Variants in ACYP2 observed in about 807,000 individuals in gnomAD.
ACYP2 encodes acylphosphatase-2.
ACYP2 carries 12 observed loss-of-function variants against 11.2 expected under a neutral mutation model. That is an observed-to-expected ratio of 1.08 (90% CI 0.69 to 1.74). The LOEUF is 1.74. ACYP2 is among the 40% of genes most tolerant of loss of function. ACYP2 has a pLI of 0.00. For missense variants in ACYP2, 134 were observed against 101.9 expected (o/e 1.31, Z -1.35); for synonymous variants, 43 against 32.2 (o/e 1.33, Z -1.13).
chr2:54,004,910 A>AC (rs1573497518), intron 2 of ACYP2, among the ~76,000 whole-genome samples: 4 of 44,930 alleles, frequency 8.9e-5, no homozygotes, highest in African/African-American at 2.6e-4. Context: ...AAAAAAAAAA[A>AC]AAAAACAAAA....
intron 4 of ACYP2, among the ~76,000 whole-genome samples, chr2:54,131,639 A>G (rs551058046): frequency 2.0e-4 from 30 of 152,200 alleles, no homozygotes; most frequent in Non-Finnish European, 4.1e-4. Flanking sequence ...TGACATGCAA[A>G]TACATGAGTT....
chr2:54,026,822 C>G (rs753232037), intron 2 of ACYP2, among the ~76,000 whole-genome samples: 9 of 151,584 alleles, frequency 5.9e-5, no homozygotes, highest in Non-Finnish European at 1.2e-4. Context: ...AACCAAACAT[C>G]GTATGTTCTC....
In ACYP2 at chr2:54,138,698, AG is replaced by A; in HGVS notation, c.356del (p.Gly119AlafsTer3). ...TTGGCTGGGTGAAGAATACCAGCAA[AG>A]GCACCGTGACAGGCCAAGTGCAGGG... On this transcript the variant is annotated frameshift_variant, in exon 6 of 7. Coordinates refer to ENST00000607452, the MANE Select transcript of ACYP2 (RefSeq NM_001320586.2). LOFTEE classifies it high-confidence loss of function. 6.2e-7 allele frequency: 1 copy of A among 1,614,162 alleles called. No homozygotes were observed. Among genetic ancestry groups the A allele is most frequent in the Non-Finnish European group, 8.5e-7 (1 of 1,179,998 alleles).
chr2:54,243,224 A>G (rs1400132845), intron 6 of ACYP2, among the ~76,000 whole-genome samples: 1 of 152,174 alleles, frequency 6.6e-6, no homozygotes, highest in South Asian at 2.1e-4. Flanking sequence ...ATCATTAGGC[A>G]ATTTCTTTGT....
chr2:54,042,366 T>G (rs1369945963), intron 2 of ACYP2, among the ~76,000 whole-genome samples: 4 of 152,198 alleles, frequency 2.6e-5, no homozygotes, highest in African/African-American at 9.6e-5. Flanking sequence ...ACAAGCTTGG[T>G]GTTAAGCTAT....
At chr2:54,083,536 T>C (rs778345218) in intron 4 of ACYP2, among the ~76,000 whole-genome samples, 1 of 152,180 alleles carries the variant, frequency 6.6e-6, no homozygotes, top group Non-Finnish European at 1.5e-5. Flanking sequence ...ACAGCCATTG[T>C]TGGTGTGGTC....
chr2:54,209,986 C>G (rs1685262065), intron 6 of ACYP2, among the ~76,000 whole-genome samples: 1 of 151,784 alleles, frequency 6.6e-6, no homozygotes, highest in African/African-American at 2.4e-5. Context: ...ACTAAAAATA[C>G]AAAAATTAGC....
intron 6 of ACYP2, among the ~76,000 whole-genome samples, chr2:54,277,973 AATTT>A (rs970333017): frequency 2.0e-4 from 30 of 152,098 alleles, no homozygotes; most frequent in African/African-American, 4.3e-4. Context: ...TTAATTAATT[AATTT>A]ATTTATTTAT....
intron 6 of ACYP2, among the ~76,000 whole-genome samples, chr2:54,194,193 C>T (rs1289106991): frequency 1.3e-5 from 2 of 152,138 alleles, no homozygotes; most frequent in Admixed American, 1.3e-4. Flanking sequence ...GGGTGTGCCA[C>T]CGCACCTGGC....
In ACYP2 at chr2:54,043,746, C is replaced by CCATGGCAAATTTA. The variant is rs552597449; in HGVS notation, c.63-7209_63-7197dup. The stretch of plus-strand genomic sequence containing the variant: ...TACTTATATGTATCCAGACATCCTT[C>CCATGGCAAATTTA]CATGGCAAATTTACACATTATCTAT... On this transcript the variant is annotated intron_variant, in intron 2 of 6. Coordinates refer to ENST00000607452, the MANE Select transcript of ACYP2 (RefSeq NM_001320586.2). Among the ~76,000 whole-genome samples the CCATGGCAAATTTA allele has an allele frequency of 1.3e-3, 201 of 152,236 alleles. 1 individual carries two copies. Among genetic ancestry groups the CCATGGCAAATTTA allele is most frequent in the African/African-American group, 4.6e-3 (193 of 41,546 alleles).
chr2:54,119,172 C>T (rs1679998132), intron 4 of ACYP2, among the ~76,000 whole-genome samples: 1 of 147,316 alleles, frequency 6.8e-6, no homozygotes, highest in Admixed American at 7.0e-5. Flanking sequence ...GCCTCAGCCT[C>T]CTCTTGAGTA....
chr2:54,007,404 C>T (rs946488663), intron 2 of ACYP2, among the ~76,000 whole-genome samples: 4 of 151,858 alleles, frequency 2.6e-5, no homozygotes, highest in South Asian at 2.1e-4. Context: ...CAGGCATGTG[C>T]CACCATGCCT....
intron 6 of ACYP2, among the ~76,000 whole-genome samples, chr2:54,156,188 T>A (rs577263397): frequency 6.6e-6 from 1 of 152,304 alleles, no homozygotes; most frequent in East Asian, 1.9e-4. Context: ...GTTCAATATT[T>A]GCTTATTAAT....
intron 4 of ACYP2, among the ~76,000 whole-genome samples, chr2:54,060,728 A>G (rs1323177391): frequency 6.6e-6 from 1 of 152,218 alleles, no homozygotes; most frequent in African/African-American, 2.4e-5. Context: ...CTTTTTATGC[A>G]CAGGATGTTC....
intron 4 of ACYP2, among the ~76,000 whole-genome samples, chr2:54,095,796 C>A (rs1678520251): frequency 7.7e-6 from 1 of 129,266 alleles, no homozygotes; most frequent in South Asian, 2.7e-4. Flanking sequence ...GGTTGACCCT[C>A]CCACCTCCCT....
At chr2:54,006,738 T>C (rs1373324411) in intron 2 of ACYP2, among the ~76,000 whole-genome samples, 3 of 152,288 alleles carry the variant, frequency 2.0e-5, no homozygotes, top group Non-Finnish European at 2.9e-5. Flanking sequence ...GCTCAAACTA[T>C]CTATAGGAGA....
intron 2 of ACYP2, chr2:54,029,692 C>T (rs1674480295): frequency 9.5e-6 from 5 of 526,612 alleles, no homozygotes; most frequent in Middle Eastern, 5.6e-4. Flanking sequence ...TTAATACCCA[C>T]GTTAATTCTC....
At chr2:54,264,363 C>T (rs1451241772) in intron 6 of ACYP2, among the ~76,000 whole-genome samples, 1 of 152,150 alleles carries the variant, frequency 6.6e-6, no homozygotes, top group African/African-American at 2.4e-5. Context: ...GCTTTTATTC[C>T]TTTATTTGGC....
intron 6 of ACYP2, among the ~76,000 whole-genome samples, chr2:54,301,657 A>C (rs13400567): frequency 0.12 from 18,855 of 152,080 alleles, 1,664 homozygotes; most frequent in African/African-American, 0.25. Flanking sequence ...GTATACATAC[A>C]CACGTGTTTG....
Sources: allele counts gnomAD v4.1 joint callset (sites outside exome capture counted in the v4.1 genomes callset), GRCh38; gene constraint gnomAD v4.1.1; transcripts MANE v1.5; gene names NCBI Gene and HGNC (gene_info 2026-07-23, HGNC 2026-07-21).